Variants in EMSY observed in about 807,000 individuals in gnomAD.
The protein encoded by EMSY is BRCA2-interacting transcriptional repressor EMSY.
Under a neutral mutation model 134.6 loss-of-function variants are expected in EMSY, and 26 were observed. That is an observed-to-expected ratio of 0.19 (90% CI 0.14 to 0.27). The LOEUF is 0.27. Among genes scored for constraint, EMSY ranks in the 10% least tolerant of loss-of-function variants. The pLI is 1.00. For missense variants in EMSY, 1,305 were observed against 1,611.4 expected, an observed-to-expected ratio of 0.81 and a Z score of 3.26; for synonymous variants, 579 against 577.8, an observed-to-expected ratio of 1.00 and a Z score of -0.03.
intron 2 of EMSY, among the ~76,000 whole-genome samples, chr11:76,450,924 G>T (rs1422113457): frequency 1.3e-5 from 2 of 151,758 alleles, no homozygotes; most frequent in Non-Finnish European, 2.9e-5. Flanking sequence ...CTCCTGAGAG[G>T]CTGGAACTAC....
In EMSY at chr11:76,546,116, C is replaced by T. The variant is rs1485922190; in HGVS notation, c.3593C>T (p.Ala1198Val). Reference sequence around the variant, plus strand: ...ACCCACATGGTGGTGGCAGGGATGGCGAATTCCACTCCCCAGCAACAGAAA... The same window carrying T: ...ACCCACATGGTGGTGGCAGGGATGGTGAATTCCACTCCCCAGCAACAGAAA... Residue 1198 changes from alanine (A) to valine (V), a missense_variant, in exon 20 of 21, where the codon GCG becomes GTG. Coordinates refer to ENST00000334736, the Ensembl canonical transcript of EMSY. The T allele has an allele frequency of 8.1e-6, 13 of 1,614,100 alleles. No individual in the cohort carries two copies. In the East Asian group the frequency reaches 8.9e-5, roughly 11 times the overall value.
In EMSY at chr11:76,528,603, T is replaced by A. The variant is rs553408789; in HGVS notation, c.2194+137T>A. The A allele has an allele frequency of 6.8e-3, 4,016 of 592,226 alleles. 34 individuals carry two copies. Among genetic ancestry groups the A allele is most frequent in the Non-Finnish European group, 8.6e-3 (3,092 of 361,386 alleles). 36.7% of individuals were successfully genotyped at this position (592,226 alleles called of 1,614,324 possible). On this transcript the variant is annotated intron_variant, in intron 14 of 20. Coordinates refer to ENST00000334736, the Ensembl canonical transcript of EMSY. ...TCTTTTCCTTTTTTTTTTTTTTTTT[T>A]ATTGTTTGATGTTAAATCGGTGAGC...
At chr11:76,476,783 G>T (rs1172813043) in intron 8 of EMSY, among the ~76,000 whole-genome samples, 1 of 152,130 alleles carries the variant, frequency 6.6e-6, no homozygotes, top group Non-Finnish European at 1.5e-5. Flanking sequence ...TTTCTTCAGG[G>T]AGTCCTGGTT....
chr11:76,516,338 G>C (rs763419917), intron 11 of EMSY, 26 bp downstream of exon 12: 1 of 1,502,138 alleles, frequency 6.7e-7, no homozygotes, highest in African/African-American at 1.4e-5. Flanking sequence ...ATATGTTAAA[G>C]GTATAGGTGG....
chr11:76,501,221 A>T (rs1949846069), intron 9 of EMSY, among the ~76,000 whole-genome samples: 1 of 152,206 alleles, frequency 6.6e-6, no homozygotes, highest in South Asian at 2.1e-4. Flanking sequence ...GAAGTTACAG[A>T]GGGCTGTATG....
At chr11:76,479,731 A>G (rs1384120617) in intron 8 of EMSY, among the ~76,000 whole-genome samples, 1 of 152,262 alleles carries the variant, frequency 6.6e-6, no homozygotes, top group African/African-American at 2.4e-5. Context: ...TGACTACCGT[A>G]TATGACCTGA....
At chr11:76,490,776 C>T (rs1315546049) in intron 8 of EMSY, among the ~76,000 whole-genome samples, 1 of 151,968 alleles carries the variant, frequency 6.6e-6, no homozygotes, top group Admixed American at 6.6e-5. Context: ...GTCATTTTTT[C>T]AAGAAGTCTT....
chr11:76,540,788 A>G (rs557691407), intron 17 of EMSY, among the ~76,000 whole-genome samples: 14 of 152,340 alleles, frequency 9.2e-5, no homozygotes, highest in Middle Eastern at 3.4e-3. Flanking sequence ...GAACATTAGA[A>G]TCATGGGTTA....
At chr11:76,536,982 C>T (rs377017904) in intron 15 of EMSY, among the ~76,000 whole-genome samples, 2 of 152,190 alleles carry the variant, frequency 1.3e-5, no homozygotes, top group South Asian at 4.2e-4. Flanking sequence ...TACTGGTTAC[C>T]GTTTATTGTA....
intron 17 of EMSY, 57 bp downstream of exon 18, chr11:76,539,697 G>A: frequency 1.3e-6 from 2 of 1,541,108 alleles, no homozygotes; most frequent in Non-Finnish European, 1.8e-6. Flanking sequence ...ATTGTTTTGG[G>A]GGGAACCGCT....
intron 9 of EMSY, among the ~76,000 whole-genome samples, chr11:76,511,272 T>G (rs1352321748): frequency 6.6e-6 from 1 of 152,234 alleles, no homozygotes; most frequent in Non-Finnish European, 1.5e-5. Flanking sequence ...AAGTAATAAC[T>G]TCCTAGAAAA....
intron 9 of EMSY, among the ~76,000 whole-genome samples, chr11:76,499,164 G>T (rs1190668194): frequency 6.6e-6 from 1 of 151,580 alleles, no homozygotes; most frequent in African/African-American, 2.4e-5. Context: ...GTTTTACCAT[G>T]CTGGCCAGGC....
intron 10 of EMSY, 133 bp downstream of exon 11, chr11:76,513,668 C>A (rs1173071297): frequency 2.3e-6 from 2 of 863,344 alleles, no homozygotes; most frequent in Non-Finnish European, 3.5e-6. Context: ...TTTCTTGATT[C>A]TCACACCCCT....
chr11:76,532,253 C>A (rs1428409238), intron 14 of EMSY, among the ~76,000 whole-genome samples: 1 of 152,038 alleles, frequency 6.6e-6, no homozygotes, highest in Non-Finnish European at 1.5e-5. Flanking sequence ...GTAAAAGTTT[C>A]ACCGAATGAA....
At chr11:76,541,441 A>C (rs1951436641) in intron 17 of EMSY, among the ~76,000 whole-genome samples, 2 of 152,220 alleles carry the variant, frequency 1.3e-5, no homozygotes, top group Admixed American at 1.3e-4. Context: ...TTTATAGTTT[A>C]AGGACAATTT....
chr11:76,496,300 A>G, exon 9 of EMSY: 5 of 1,614,150 alleles, frequency 3.1e-6, no homozygotes, highest in South Asian at 1.1e-5. Flanking sequence ...AGATTCTTGC[A>G]CAGTTCCCTA....
At chr11:76,473,469 G>A (rs1490782942) in intron 8 of EMSY, among the ~76,000 whole-genome samples, 1 of 151,658 alleles carries the variant, frequency 6.6e-6, no homozygotes. Flanking sequence ...ACCATACCCG[G>A]CTATTTTTTT....
At chr11:76,532,587 A>G (rs112852014) in intron 14 of EMSY, among the ~76,000 whole-genome samples, 3,863 of 152,104 alleles carry the variant, frequency 0.025, 71 homozygotes, top group Non-Finnish European at 0.038. Flanking sequence ...CCTAGAACGT[A>G]TTTGGGAATG....
chr11:76,479,153 A>G (rs1280689330), intron 8 of EMSY, among the ~76,000 whole-genome samples: 1 of 152,202 alleles, frequency 6.6e-6, no homozygotes, highest in Non-Finnish European at 1.5e-5. Context: ...TGAGTAGCAT[A>G]CTGCTTAACC....
Sources: allele counts gnomAD v4.1 joint callset (sites outside exome capture counted in the v4.1 genomes callset), GRCh38; gene constraint gnomAD v4.1.1; transcripts MANE v1.5; gene names NCBI Gene and HGNC (gene_info 2026-07-23, HGNC 2026-07-21).